GRIK4: variants seen among roughly 807,000 people sequenced by gnomAD.
GRIK4 encodes glutamate ionotropic receptor kainate type subunit 4.
Under a neutral mutation model 104.9 loss-of-function variants are expected in GRIK4, and 40 were observed. The ratio of observed to expected loss-of-function variants is 0.38; its 90% CI spans 0.30 to 0.50. GRIK4 has a LOEUF of 0.50. GRIK4 is among the 20% of genes least tolerant of loss of function. The pLI is 0.93. For synonymous variants in GRIK4, 485 were observed against 524.9 expected (o/e 0.92, Z 1.04); for missense variants, 1,047 against 1,308.1 (o/e 0.80, Z 3.08).
Position 120,770,064 on chromosome 11 carries a change from T to C in GRIK4, c.83-32629T>C, listed in dbSNP as rs568091162. ...AGCAGGGCCTTCCTGCTCCCACTTT[T>C]GTTGTTAGACCCAGAGGAGTTCTGC... On this transcript the variant is annotated intron_variant, in intron 3 of 20. Transcript: ENST00000527524. Among the ~76,000 whole-genome samples the C allele has an allele frequency of 1.8e-4, 28 of 152,290 alleles. 1 individual carries two copies. The highest frequency in any genetic ancestry group is 3.7e-4 in the Non-Finnish European group (25 of 68,014).
intron 3 of GRIK4, among the ~76,000 whole-genome samples, chr11:120,668,683 A>G (rs923656209): frequency 1.3e-5 from 2 of 152,176 alleles, no homozygotes; most frequent in Admixed American, 6.5e-5. Flanking sequence ...GTTGTGGGGA[A>G]ACACTGGAGT....
At chr11:120,900,704 C>T (rs1399625465) in intron 12 of GRIK4, among the ~76,000 whole-genome samples, 16 of 151,976 alleles carry the variant, frequency 1.1e-4, no homozygotes, top group Non-Finnish European at 4.4e-5. Context: ...GAGGTGAGGA[C>T]GCAGCCAAGT....
intron 13 of GRIK4, among the ~76,000 whole-genome samples, chr11:120,915,362 G>GGCAATAATGGCAGTTTCGTGACTGCA (rs1943084349): frequency 6.6e-6 from 1 of 152,158 alleles, no homozygotes; most frequent in Admixed American, 6.5e-5. Flanking sequence ...CTGAGAAAAG[G>GGCAATAATGGCAGTTTCGTGACTGCA]GCAATAATGG....
intron 3 of GRIK4, among the ~76,000 whole-genome samples, chr11:120,728,815 A>G (rs1455874348): frequency 3.3e-5 from 5 of 152,264 alleles, no homozygotes; most frequent in South Asian, 2.1e-4. Context: ...ATTATTGACT[A>G]TAGTCACCCT....
At chr11:120,954,490 A>G (rs1944087459) in intron 15 of GRIK4, among the ~76,000 whole-genome samples, 1 of 151,836 alleles carries the variant, frequency 6.6e-6, no homozygotes, top group Non-Finnish European at 1.5e-5. Flanking sequence ...GCCTGGTGCC[A>G]CTGCTCTGTA....
intron 1 of GRIK4, among the ~76,000 whole-genome samples, chr11:120,616,496 G>A (rs888103872): frequency 6.6e-6 from 1 of 152,204 alleles, no homozygotes; most frequent in African/African-American, 2.4e-5. Flanking sequence ...TGGATACTTT[G>A]GTCTGGAAGA....
intron 13 of GRIK4, among the ~76,000 whole-genome samples, chr11:120,917,987 T>C (rs1943147654): frequency 6.6e-6 from 1 of 152,196 alleles, no homozygotes; most frequent in South Asian, 2.1e-4. Flanking sequence ...TTGATTTGGG[T>C]CAGAGACAGG....
intron 3 of GRIK4, among the ~76,000 whole-genome samples, chr11:120,784,433 C>T (rs957317413): frequency 7.2e-5 from 11 of 152,144 alleles, no homozygotes; most frequent in Non-Finnish European, 1.6e-4. Context: ...TCTAATCTGT[C>T]ATTTTCTCCT....
chr11:120,845,821 A>G (rs1383741720), intron 8 of GRIK4, among the ~76,000 whole-genome samples: 1 of 152,208 alleles, frequency 6.6e-6, no homozygotes, highest in African/African-American at 2.4e-5. Flanking sequence ...ACTCTGCATA[A>G]TATAGTATAC....
intron 3 of GRIK4, among the ~76,000 whole-genome samples, chr11:120,680,449 G>C (rs933905070): frequency 6.6e-6 from 1 of 152,162 alleles, no homozygotes; most frequent in African/African-American, 2.4e-5. Context: ...GCCACCATAT[G>C]GGTGACTGCA....
rs965429963 is a variant in GRIK4 at position 120,727,196 on chromosome 11, G to A, written c.82+66796G>A. ...AGTCCACCAGATGGAACAAAGGGGC[G>A]AGAGCAGCCTCGTTCCTGCATATTC... On this transcript the variant is annotated intron_variant, in intron 3 of 20. Transcript: ENST00000527524. Among the ~76,000 whole-genome samples, 22 of 152,298 alleles carry A rather than the reference G, an allele frequency of 1.4e-4. 1 individual carries two copies. Among genetic ancestry groups the A allele is most frequent in the Admixed American group, 3.9e-4 (6 of 15,298 alleles).
chr11:120,810,958 G>C (rs916929915), intron 4 of GRIK4, among the ~76,000 whole-genome samples: 7 of 152,110 alleles, frequency 4.6e-5, no homozygotes, highest in Non-Finnish European at 8.8e-5. Flanking sequence ...TTTCACTTAG[G>C]GGTTAGAGAA....
At chr11:120,578,332 T>G (rs1285374434) in intron 1 of GRIK4, among the ~76,000 whole-genome samples, 1 of 152,072 alleles carries the variant, frequency 6.6e-6, no homozygotes, top group African/African-American at 2.4e-5. Flanking sequence ...TGGGATCCTT[T>G]GGGGCCCTTG....
chr11:120,600,923 G>A (rs1948875926), intron 1 of GRIK4, among the ~76,000 whole-genome samples: 1 of 151,734 alleles, frequency 6.6e-6, no homozygotes, highest in South Asian at 2.1e-4. Context: ...AGGTGTGGTG[G>A]CATGCGCCTG....
intron 19 of GRIK4, among the ~76,000 whole-genome samples, chr11:120,970,140 C>T (rs187179244): frequency 1.5e-3 from 225 of 152,330 alleles, no homozygotes; most frequent in African/African-American, 5.0e-3. Flanking sequence ...CTGGGTCATG[C>T]TAACGTGACT....
chr11:120,583,229 C>T, intron 1 of GRIK4, among the ~76,000 whole-genome samples: 1 of 152,090 alleles, frequency 6.6e-6, no homozygotes, highest in East Asian at 1.9e-4. Flanking sequence ...ATTTAAGTTC[C>T]TTATAGATTC....
chr11:120,912,647 C>A (rs1372145910), intron 13 of GRIK4, among the ~76,000 whole-genome samples: 2 of 152,034 alleles, frequency 1.3e-5, no homozygotes, highest in Non-Finnish European at 2.9e-5. Flanking sequence ...GAGACAGCAG[C>A]CAGGGAATAC....
chr11:120,927,565 C>CAAAAAAAAA (rs56223442), intron 13 of GRIK4, among the ~76,000 whole-genome samples: 7 of 101,594 alleles, frequency 6.9e-5, no homozygotes, highest in South Asian at 7.1e-4. Flanking sequence ...GACTCTGTCT[C>CAAAAAAAAA]AAAAAAAAAA....
intron 1 of GRIK4, among the ~76,000 whole-genome samples, chr11:120,582,304 G>GTA (rs1191384884): frequency 2.0e-5 from 3 of 149,854 alleles, no homozygotes; most frequent in Non-Finnish European, 4.4e-5. Context: ...GTATATATGT[G>GTA]TATATATATA....
Sources: gnomAD v4.1 joint callset for allele counts (sites outside exome capture counted in the v4.1 genomes callset) on GRCh38, gnomAD v4.1.1 for gene constraint, MANE v1.5 for transcripts, NCBI Gene and HGNC (gene_info 2026-07-23, HGNC 2026-07-21) for gene names.